Variants in CSMD2 observed in about 807,000 individuals in gnomAD.
CSMD2 encodes the protein CUB and Sushi multiple domains 2.
In CSMD2, 130 loss-of-function variants were observed where a neutral mutation model predicts 398.5. The observed-to-expected ratio is 0.33, with a 90% CI of 0.28 to 0.38. The LOEUF is 0.38. CSMD2 is among the 10% of genes least tolerant of loss of function. CSMD2 has a pLI of 1.00. For missense variants in CSMD2, 3,829 were observed against 4,764.9 expected (o/e 0.80, Z 5.78); for synonymous variants, 1,828 against 1,908.5 (o/e 0.96, Z 1.10).
chr1:33,845,331 G>C (rs1259521736), intron 6 of CSMD2, among the ~76,000 whole-genome samples: 2 of 152,228 alleles, frequency 1.3e-5, no homozygotes, highest in African/African-American at 2.4e-5. Context: ...CTTTACTGTG[G>C]GGAGTACTGA....
intron 19 of CSMD2, among the ~76,000 whole-genome samples, chr1:33,721,258 T>G (rs760683173): frequency 2.0e-5 from 3 of 152,180 alleles, no homozygotes; most frequent in Non-Finnish European, 2.9e-5. Flanking sequence ...TGCTATATAC[T>G]GAGATCTTGG....
chr1:34,164,651 C>T lies in CSMD2; in HGVS notation c.187+260G>A, dbSNP rs931583054. ...CGGGCGGGGATGTCTGTCTCCCAGGCCCCCACACCGGCCGCATCCGTCCAA... is the reference window on the plus strand; with the variant it reads ...CGGGCGGGGATGTCTGTCTCCCAGGTCCCCACACCGGCCGCATCCGTCCAA... On this transcript the variant is annotated intron_variant, in intron 1 of 70. Coordinates refer to ENST00000373381, the MANE Select transcript of CSMD2 (RefSeq NM_001281956.2). This position sits in a 1 kb window ranked among gnomAD's most constrained non-coding sequence, Gnocchi z 6.2. Among the ~76,000 whole-genome samples the T allele has an allele frequency of 2.0e-5, 3 of 152,100 alleles. No individual in the cohort carries two copies. Among genetic ancestry groups the T allele is most frequent in the South Asian group, 4.1e-4 (2 of 4,828 alleles).
At chr1:33,898,814 G>A (rs889788472) in intron 5 of CSMD2, among the ~76,000 whole-genome samples, 17 of 152,300 alleles carry the variant, frequency 1.1e-4, no homozygotes, top group Admixed American at 5.2e-4. Context: ...CCACGTCAGC[G>A]TCCAGGATGT....
chr1:33,610,950 T>C (rs6672528), intron 41 of CSMD2, 91 bp downstream of exon 41: 168,369 of 1,290,280 alleles, frequency 0.13, 11,813 homozygotes, highest in Non-Finnish European at 0.14. Context: ...TGGTGTTCTG[T>C]TTTCCCCCAC....
Position 33,567,716 on chromosome 1 carries a change from C to T in CSMD2, c.8257G>A (p.Glu2753Lys), listed in dbSNP as rs375129232. 6.4e-5 allele frequency: 104 copies of T among 1,614,008 alleles called. No homozygotes were observed. The highest frequency in any genetic ancestry group is 8.6e-5 in the Non-Finnish European group (102 of 1,180,022). ...EPIVNGHINGENYSYRGSVVY... is the reference protein window; with the variant it reads ...EPIVNGHINGKNYSYRGSVVY... ...ACACTGCCCCGGTAGCTGTAGTTCT[C>T]CCCATTGATGTGTCCGTTGACAATG... Residue 2753 changes from glutamate to lysine, a missense_variant, in exon 53 of 71, where the codon GAG becomes AAG. By Grantham distance (56) the Glu-to-Lys change is moderately conservative. Around this residue, in one of 5 missense-constraint regions of CSMD2, gnomAD observed 917 missense variants for 1,199.5 expected, o/e 0.76. Transcript: ENST00000373381.
chr1:33,585,404 TGGGCTCCTA>T (rs1639016483), intron 46 of CSMD2, among the ~76,000 whole-genome samples: 2 of 152,206 alleles, frequency 1.3e-5, no homozygotes, highest in African/African-American at 4.8e-5. Flanking sequence ...GCACGGGGGC[TGGGCTCCTA>T]GAGTCTTGCT....
intron 13 of CSMD2, among the ~76,000 whole-genome samples, chr1:33,745,052 A>T (rs1569670637): frequency 6.6e-6 from 1 of 152,234 alleles, no homozygotes; most frequent in Non-Finnish European, 1.5e-5. Context: ...AACAAACTAT[A>T]TGTCAGCCCA....
chr1:33,713,942 CT>C (rs1438104672), intron 21 of CSMD2, among the ~76,000 whole-genome samples: 1 of 152,220 alleles, frequency 6.6e-6, no homozygotes, highest in African/African-American at 2.4e-5. Flanking sequence ...ATATTCACAG[CT>C]TGTGTCCCCA....
chr1:34,025,676 G>C (rs1649553934), intron 3 of CSMD2, among the ~76,000 whole-genome samples: 1 of 152,126 alleles, frequency 6.6e-6, no homozygotes, highest in African/African-American at 2.4e-5. Context: ...TAGCTCTAAA[G>C]CCAACATCTC....
intron 10 of CSMD2, among the ~76,000 whole-genome samples, chr1:33,806,405 C>T (rs1183112800): frequency 6.6e-6 from 1 of 152,154 alleles, no homozygotes; most frequent in African/African-American, 2.4e-5. Flanking sequence ...GTAATGCCCC[C>T]AGCACTAGGC....
intron 3 of CSMD2, among the ~76,000 whole-genome samples, chr1:33,947,822 C>T (rs771624876): frequency 6.6e-6 from 1 of 152,244 alleles, no homozygotes; most frequent in Admixed American, 6.5e-5. Context: ...ACAAACTTCA[C>T]ACTTAATCCT....
rs35843397 is a variant in CSMD2 at position 33,920,374 on chromosome 1, CAAA to C, written c.713-2076_713-2074del. On this transcript the variant is annotated intron_variant, in intron 4 of 70. Transcript: ENST00000373381. ...TGAAACCCTGTCTCTACTAAAAATA[CAAA>C]AAAAAAAAAAAAAAGTTGGCTGGGT... Among the ~76,000 whole-genome samples the C allele has an allele frequency of 2.7e-3, 297 of 110,078 alleles. 3 individuals carry two copies. Among genetic ancestry groups the C allele is most frequent in the African/African-American group, 8.7e-3 (276 of 31,702 alleles). 72.2% of individuals were successfully genotyped at this position (110,078 alleles called of 152,430 possible).
chr1:33,726,479 T>G, intron 16 of CSMD2, 68 bp downstream of exon 16: 1 of 1,524,930 alleles, frequency 6.6e-7, no homozygotes. Context: ...CCACCCTGCA[T>G]TCCCTCCCAC....
chr1:34,126,152 T>C (rs1463654226), intron 1 of CSMD2, among the ~76,000 whole-genome samples: 1 of 152,206 alleles, frequency 6.6e-6, no homozygotes, highest in Non-Finnish European at 1.5e-5. Context: ...GACTCTCCCT[T>C]ACCATTCCTC....
Position 33,635,074 on chromosome 1 carries a change from CGGCCGTCCTTTTGGGGAGACTG to C in CSMD2, c.5086+118_5086+139del. 1 of 605,514 alleles carries C rather than the reference CGGCCGTCCTTTTGGGGAGACTG, an allele frequency of 1.7e-6. No homozygotes were observed. Among genetic ancestry groups the C allele is most frequent in the Non-Finnish European group, 3.1e-6 (1 of 327,636 alleles). The allele number at this position is 605,514 out of a possible 1,614,324, so 37.5% of individuals were successfully genotyped here. ...AGCCCGTTTGAGAAACGTCAGCACT[CGGCCGTCCTTTTGGGGAGACTG>C]TTCTGCGATTCCCACAATGGGGCTG... On this transcript the variant is annotated intron_variant, in intron 31 of 70. Transcript: ENST00000373381. This position sits in a 1 kb window ranked among gnomAD's most constrained non-coding sequence, Gnocchi z 5.0.
At chr1:33,939,785 G>T (rs1028658512) in intron 3 of CSMD2, among the ~76,000 whole-genome samples, 1 of 152,150 alleles carries the variant, frequency 6.6e-6, no homozygotes, top group Admixed American at 6.5e-5. Flanking sequence ...TTTATGCCAA[G>T]CTCCACTCCT....
At chr1:33,927,267 T>G (rs1477342106) in intron 4 of CSMD2, among the ~76,000 whole-genome samples, 1 of 152,128 alleles carries the variant, frequency 6.6e-6, no homozygotes, top group Non-Finnish European at 1.5e-5. Flanking sequence ...CATTTATCCT[T>G]GGCTTTATCA....
chr1:33,708,194 C>T (rs1645866995), intron 22 of CSMD2, among the ~76,000 whole-genome samples: 1 of 152,208 alleles, frequency 6.6e-6, no homozygotes, highest in African/African-American at 2.4e-5. Flanking sequence ...CTATGACCTT[C>T]TCTGTAATCC....
chr1:33,792,451 C>A lies in CSMD2; in HGVS notation c.1522G>T (p.Asp508Tyr). The stretch of plus-strand genomic sequence containing the variant: ...TAGAGAACTGTCTTCTGGTCCCCAT[C>A]CTGACCACCATCACCGACCGTCAGG... ...DTLTVGDGGQ[D>Y]GDQKTVLYIL... The change falls in exon 11 of 71, where the codon GAT (aspartate) becomes TAT (tyrosine). Residue 508 changes from aspartate to tyrosine, a missense_variant. Transcript: ENST00000373381. 6.2e-7 allele frequency: 1 copy of A among 1,613,898 alleles called. No homozygotes were observed. Among genetic ancestry groups the A allele is most frequent in the South Asian group, 1.1e-5 (1 of 91,064 alleles).
Sources: gnomAD v4.1 joint callset for allele counts (sites outside exome capture counted in the v4.1 genomes callset) on GRCh38, gnomAD v4.1.1 for gene constraint, gnomAD v4.1.1 regional missense constraint, Gnocchi (gnomAD v3.1) non-coding constraint, MANE v1.5 for transcripts, NCBI Gene and HGNC (gene_info 2026-07-23, HGNC 2026-07-21) for gene names.